TRMU: variants seen among roughly 807,000 people sequenced by gnomAD.
TRMU encodes the protein mitochondrial tRNA-specific 2-thiouridylase 1.
TRMU carries 49 observed loss-of-function variants against 46.9 expected under a neutral mutation model. The ratio of observed to expected loss-of-function variants is 1.05; its 90% CI spans 0.83 to 1.33. The LOEUF (loss-of-function observed/expected upper bound fraction) is 1.33. TRMU is among the 40% of genes most tolerant of loss of function. TRMU has a pLI of 0.00. For synonymous variants in TRMU, 241 were observed against 200.9 expected, an observed-to-expected ratio of 1.20 and a Z score of -1.69; for missense variants, 572 against 532.4, an observed-to-expected ratio of 1.07 and a Z score of -0.73.
rs2078289771 is a variant in TRMU, at chr22:46,347,442, C to T, written c.478+898C>T. 1 of 152,222 alleles carries T rather than the reference C, an allele frequency of 6.6e-6. No homozygotes were observed. The highest frequency in any genetic ancestry group is 1.5e-5 in the Non-Finnish European group (1 of 68,050). The allele number at this position is 152,222 out of a possible 1,614,324, so 9.4% of individuals were successfully genotyped here. On this transcript the variant is annotated intron_variant, in intron 4 of 10. Coordinates refer to ENST00000645190, the MANE Select transcript of TRMU (RefSeq NM_018006.5). The surrounding 1 kb of genome is among the most constrained non-coding windows in gnomAD (Gnocchi z 5.0). ...TCTTGGCTCGCTGCAGCCTCCACCT[C>T]CTGGGCTCAAGTGATCCTCCCACCT...
At position 46,339,453 on chromosome 22, in the gene TRMU, A is replaced by G. The variant is rs567895708; in HGVS notation, c.248+1509A>G. Reference sequence around the variant, plus strand: ...GCGTGAGCCACCACGCCAGCCTGCTATTTTTATTTTCATTATTAAAAAGAT... The same window carrying G: ...GCGTGAGCCACCACGCCAGCCTGCTGTTTTTATTTTCATTATTAAAAAGAT... On this transcript the variant is annotated intron_variant, in intron 2 of 10. Transcript: ENST00000645190. This position sits in a 1 kb window ranked among gnomAD's most constrained non-coding sequence, Gnocchi z 4.8. 2.3e-4 allele frequency among the ~76,000 whole-genome samples: 35 copies of G among 152,314 alleles called. No individual in the cohort carries two copies. The highest frequency in any genetic ancestry group is 3.4e-3 in the Middle Eastern group (1 of 294).
chr22:46,355,403 G>C (rs375814782), intron 8 of TRMU, 41 bp from the exon 9 acceptor site: 1 of 1,606,214 alleles, frequency 6.2e-7, no homozygotes, highest in Non-Finnish European at 8.5e-7. Context: ...CTTGGGGCCA[G>C]GTGCCCCTCG....
chr22:46,350,381 T>A lies in TRMU; in HGVS notation c.569T>A (p.Phe190Tyr). Reference protein sequence around the residue: ...VSQDALRRTIFPLGGLTKEFV... With the variant: ...VSQDALRRTIYPLGGLTKEFV... ...CAGGATGCCCTGAGGAGAACCATCT[T>A]CCCTCTGGGGGGATTAACGAAAGAG... Residue 190 changes from phenylalanine (F) to tyrosine (Y), a missense_variant, in exon 5 of 11, where the codon TTC (phenylalanine) becomes TAC (tyrosine). Physicochemically the swap from Phe to Tyr is conservative, Grantham distance 22 (BLOSUM62 3). Transcript: ENST00000645190. This position sits in a 1 kb window ranked among gnomAD's most constrained non-coding sequence, Gnocchi z 4.6. The A allele has an allele frequency of 1.2e-6, 2 of 1,614,208 alleles. No individual in the cohort carries two copies. The highest frequency in any genetic ancestry group is 1.7e-6 in the Non-Finnish European group (2 of 1,180,032).
At position 46,351,488 on chromosome 22, in the gene TRMU, C is replaced by A. The variant is rs781175593; in HGVS notation, c.652-633C>A. Among the ~76,000 whole-genome samples, 1 of 152,156 alleles carries A rather than the reference C, an allele frequency of 6.6e-6. No individual in the cohort carries two copies. Among genetic ancestry groups the A allele is most frequent in the African/African-American group, 2.4e-5 (1 of 41,410 alleles). The stretch of plus-strand genomic sequence containing the variant: ...CTTCCTGGTAATGGAAACGGCCATA[C>A]CTTTCATCAGAGCCATCTTCCCTGA... On this transcript the variant is annotated intron_variant, in intron 5 of 10. Transcript: ENST00000645190. The surrounding 1 kb of genome is among the most constrained non-coding windows in gnomAD (Gnocchi z 6.4).
In TRMU at chr22:46,337,871, A is replaced by G. The variant is rs2078020035; in HGVS notation, c.175A>G (p.Arg59Gly). Reference sequence around the variant, plus strand: ...CGACAAAGACTGTGAAGATGCTTACAGAGTTTGCCAGATCTTAGACATCCC... The same window carrying G: ...CGACAAAGACTGTGAAGATGCTTACGGAGTTTGCCAGATCTTAGACATCCC... Reference protein sequence around the residue: ...TADKDCEDAYRVCQILDIPFH... With the variant: ...TADKDCEDAYGVCQILDIPFH... Residue 59 changes from arginine (R) to glycine (G), a missense_variant, in exon 2 of 11, where the codon AGA becomes GGA. Arg to Gly is a moderately radical substitution (Grantham distance 125, BLOSUM62 -2). Transcript: ENST00000645190. The G allele has an allele frequency of 2.5e-6, 4 of 1,614,260 alleles. No individual in the cohort carries two copies. Among genetic ancestry groups the G allele is most frequent in the Non-Finnish European group, 3.4e-6 (4 of 1,180,050 alleles).
At chr22:46,353,633 C>T (rs1601984006) in intron 7 of TRMU, 134 bp from the exon 8 acceptor site, 6 of 781,448 alleles carry the variant, frequency 7.7e-6, no homozygotes, top group East Asian at 5.4e-5. Flanking sequence ...GTTGGAGAAT[C>T]GTATCTTCCT....
At chr22:46,335,914 G>C in intron 1 of TRMU, 68 bp downstream of exon 1, 1 of 1,520,934 alleles carries the variant, frequency 6.6e-7, no homozygotes, top group East Asian at 2.5e-5. Context: ...CCCGTCCGTC[G>C]TGGCGTTGTG....
In TRMU at chr22:46,347,461, C is replaced by G. The variant is rs2078290261; in HGVS notation, c.478+917C>G. The stretch of plus-strand genomic sequence containing the variant: ...CCACCTCCTGGGCTCAAGTGATCCT[C>G]CCACCTCAGCCCCACCAAGTAGCTG... On this transcript the variant is annotated intron_variant, in intron 4 of 10. Coordinates refer to ENST00000645190, the MANE Select transcript of TRMU (RefSeq NM_018006.5). The surrounding 1 kb of genome is among the most constrained non-coding windows in gnomAD (Gnocchi z 5.0). 1 of 152,226 alleles carries G rather than the reference C, an allele frequency of 6.6e-6. No homozygotes were observed. Among genetic ancestry groups the G allele is most frequent in the African/African-American group, 2.4e-5 (1 of 41,428 alleles). The allele number at this position is 152,226 out of a possible 1,614,324, so 9.4% of individuals were successfully genotyped here.
chr22:46,356,682 C>A, intron 10 of TRMU, 160 bp from the exon 11 acceptor site: 1 of 859,712 alleles, frequency 1.2e-6, no homozygotes, highest in Non-Finnish European at 1.8e-6. Flanking sequence ...CCTCTCCTCT[C>A]CTGTTCAGCA....
Position 46,336,779 on chromosome 22 carries a change from T to G in TRMU, c.82+933T>G, listed in dbSNP as rs1466472210. 2 of 152,196 alleles carry G rather than the reference T, an allele frequency of 1.3e-5. No individual in the cohort carries two copies. Among genetic ancestry groups the G allele is most frequent in the African/African-American group, 4.8e-5 (2 of 41,394 alleles). The allele number at this position is 152,196 out of a possible 1,614,324, so 9.4% of individuals were successfully genotyped here. A position where few individuals can be genotyped will look rare whatever the true frequency, so the allele number is the denominator to read the frequency against. On this transcript the variant is annotated intron_variant, in intron 1 of 10. Coordinates refer to ENST00000645190, the MANE Select transcript of TRMU (RefSeq NM_018006.5). The surrounding 1 kb of genome is among the most constrained non-coding windows in gnomAD (Gnocchi z 4.1). ...TAGGCGGACCATAAGCAGAAATAGT[T>G]GTGAGGAAGGGAGAGTGGAGGAAAG...
rs1056943946 is a variant in TRMU at position 46,355,196 on chromosome 22, C to T, written c.874-248C>T. 1.1e-3 allele frequency: 647 copies of T among 609,062 alleles called. 5 individuals carry two copies. Among genetic ancestry groups the T allele is most frequent in the Middle Eastern group, 1.8e-3 (4 of 2,246 alleles). 37.7% of individuals were successfully genotyped at this position (609,062 alleles called of 1,614,324 possible). A position where few individuals can be genotyped will look rare whatever the true frequency, so the allele number is the denominator to read the frequency against. ...CACTGTCATGGGCTCGGATCTCACC[C>T]CTGCCTCTTGCCCACTCTGACATGG... On this transcript the variant is annotated intron_variant, in intron 8 of 10. Transcript: ENST00000645190.
intron 10 of TRMU, chr22:46,356,382 A>C: frequency 2.2e-6 from 1 of 463,750 alleles, no homozygotes; most frequent in Non-Finnish European, 4.0e-6. Context: ...TCAAAGAGGC[A>C]GAGGGTCGGG....
At position 46,336,252 on chromosome 22, in the gene TRMU, G is replaced by T; in HGVS notation, c.82+406G>T. 3.0e-6 allele frequency: 2 copies of T among 667,810 alleles called. No individual in the cohort carries two copies. Among genetic ancestry groups the T allele is most frequent in the Non-Finnish European group, 3.8e-6 (2 of 522,244 alleles). The allele number at this position is 667,810 out of a possible 1,614,324, so 41.4% of individuals were successfully genotyped here. ...GGGCCTGACCTCTGCACACGCTGTG[G>T]CCGCCCGGTGGGAGGTCCTTGTCCT... On this transcript the variant is annotated intron_variant, in intron 1 of 10. Transcript: ENST00000645190. This position sits in a 1 kb window ranked among gnomAD's most constrained non-coding sequence, Gnocchi z 4.1.
In TRMU at chr22:46,336,072, C is replaced by T. The variant is rs947098300; in HGVS notation, c.82+226C>T. 1.4e-6 allele frequency: 2 copies of T among 1,386,310 alleles called. No individual in the cohort carries two copies. The highest frequency in any genetic ancestry group is 1.5e-5 in the African/African-American group (1 of 65,616). The allele number at this position is 1,386,310 out of a possible 1,614,324, so 85.9% of individuals were successfully genotyped here. A position where few individuals can be genotyped will look rare whatever the true frequency, so the allele number is the denominator to read the frequency against. On this transcript the variant is annotated intron_variant, in intron 1 of 10. Coordinates refer to ENST00000645190, the MANE Select transcript of TRMU (RefSeq NM_018006.5). The surrounding 1 kb of genome is among the most constrained non-coding windows in gnomAD (Gnocchi z 4.1). ...CAGCTCCGACTACCTGGGAGCAGTT[C>T]CGCGCCCCTCTCCACCCACGCGCGC...
At position 46,339,651 on chromosome 22, in the gene TRMU, C is replaced by T. The variant is rs1276837112; in HGVS notation, c.248+1707C>T. On this transcript the variant is annotated intron_variant, in intron 2 of 10. Transcript: ENST00000645190. This position sits in a 1 kb window ranked among gnomAD's most constrained non-coding sequence, Gnocchi z 4.8. Reference sequence around the variant, plus strand: ...ACTTATCCATGTGACCAAATACCAGCTGTTGCCCAAAAAACCATTGAAATA... The same window carrying T: ...ACTTATCCATGTGACCAAATACCAGTTGTTGCCCAAAAAACCATTGAAATA... 6.6e-6 allele frequency among the ~76,000 whole-genome samples: 1 copy of T among 152,154 alleles called. No individual in the cohort carries two copies. The highest frequency in any genetic ancestry group is 1.5e-5 in the Non-Finnish European group (1 of 68,018).
At chr22:46,343,098 G>A (rs1342815297) in intron 2 of TRMU, among the ~76,000 whole-genome samples, 164 bp from the exon 3 acceptor site, 2 of 152,170 alleles carry the variant, frequency 1.3e-5, no homozygotes, top group Non-Finnish European at 2.9e-5. Flanking sequence ...CATGCAGCAG[G>A]TTATAAACAA....
intron 9 of TRMU, 88 bp from the exon 10 acceptor site, chr22:46,355,902 C>T (rs1165287072): frequency 2.1e-5 from 31 of 1,464,894 alleles, no homozygotes; most frequent in African/African-American, 1.4e-4. Flanking sequence ...TTTTTGACCC[C>T]GTGGGCTGGT....
At chr22:46,345,708 T>TA (rs759827335) in intron 3 of TRMU, among the ~76,000 whole-genome samples, 5 of 152,114 alleles carry the variant, frequency 3.3e-5, no homozygotes, top group Non-Finnish European at 5.9e-5. Flanking sequence ...CCCCCATTGT[T>TA]ACGGCAGTGC....
chr22:46,352,566 CCT>C (rs1191063741), intron 7 of TRMU: 11 of 603,720 alleles, frequency 1.8e-5, no homozygotes, highest in Admixed American at 1.4e-4. Context: ...GAAAAGCGCG[CCT>C]CTGACTTGGA....
Sources: gnomAD v4.1 joint callset for allele counts (sites outside exome capture counted in the v4.1 genomes callset) on GRCh38, gnomAD v4.1.1 for gene constraint, Gnocchi (gnomAD v3.1) non-coding constraint, MANE v1.5 for transcripts, NCBI Gene and HGNC (gene_info 2026-07-23, HGNC 2026-07-21) for gene names.